Variants in KANK1 observed in about 807,000 individuals in gnomAD.
KANK1 encodes the protein KN motif and ankyrin repeat domain-containing protein 1.
A neutral mutation model predicts 106.2 loss-of-function variants in KANK1; 109 were observed. The observed-to-expected ratio is 1.03, with a 90% CI of 0.88 to 1.20. The LOEUF (loss-of-function observed/expected upper bound fraction) is 1.20. Among genes scored for constraint, KANK1 ranks in the 50% most tolerant of loss-of-function variants. KANK1 has a pLI of 0.00. For synonymous variants in KANK1, 873 were observed against 652.2 expected (o/e 1.34, Z -5.16); for missense variants, 2,399 against 1,710.7 (o/e 1.40, Z -7.10).
upstream of KANK1, among the ~76,000 whole-genome samples, chr9:503,677 CATT>C (rs2058610851): frequency 6.6e-6 from 1 of 152,180 alleles, no homozygotes; most frequent in Non-Finnish European, 1.5e-5. Context: ...GCAGAGCTAA[CATT>C]GTTTTTTGAG....
chr9:535,872 A>G (rs2060274577), intron 1 of KANK1, among the ~76,000 whole-genome samples: 3 of 152,222 alleles, frequency 2.0e-5, no homozygotes, highest in Admixed American at 1.3e-4. Flanking sequence ...TGTTCAAGGC[A>G]ACGTAAACCT....
Position 712,072 on chromosome 9 carries a change from TGTG to T in KANK1, c.1308_1310del (p.Cys436_Gly437delinsTrp). 6.2e-7 allele frequency: 1 copy of T among 1,614,046 alleles called. No homozygotes were observed. Reference sequence around the variant, plus strand: ...AGGGACACTTGTTGAGATGAGAAATTGTGGGGTCAGCGTGACAGAGGCCATGCT... The same window carrying T: ...AGGGACACTTGTTGAGATGAGAAATTGGGTCAGCGTGACAGAGGCCATGCT... On this transcript the variant is annotated inframe_deletion, in exon 3 of 12. Transcript: ENST00000382297.
chr9:643,001 A>T (rs1342010794), intron 1 of KANK1, among the ~76,000 whole-genome samples: 2 of 150,734 alleles, frequency 1.3e-5, no homozygotes, highest in African/African-American at 5.0e-5. Flanking sequence ...CATATTAAAT[A>T]TGGTGGCACC....
chr9:713,472 G>T lies in KANK1; in HGVS notation c.2698+8G>T. 6.4e-7 allele frequency: 1 copy of T among 1,553,832 alleles called. No individual in the cohort carries two copies. The highest frequency in any genetic ancestry group is 8.7e-7 in the Non-Finnish European group (1 of 1,152,880). ...GTCTGGGTAAAATCACAGGTAGGTG[G>T]TACCCTGAGGACCTGGGAATGAGGA... On this transcript the variant is annotated splice_region_variant and intron_variant, in intron 3 of 11. Coordinates refer to ENST00000382297, the MANE Select transcript of KANK1 (RefSeq NM_015158.5).
At chr9:499,586 A>G (rs10974845) in intron 3 of KANK1, among the ~76,000 whole-genome samples, 13,779 of 152,076 alleles carry the variant, frequency 0.091, 2,102 homozygotes, top group African/African-American at 0.31. Flanking sequence ...CAAATCTTTT[A>G]CCTTGTACTT....
chr9:723,084 C>A (rs2131398713), intron 3 of KANK1, among the ~76,000 whole-genome samples: 1 of 152,236 alleles, frequency 6.6e-6, no homozygotes, highest in East Asian at 1.9e-4. Context: ...AATTTCCAGA[C>A]CTGTAGGATG....
At chr9:620,907 G>A (rs1444011561) in intron 1 of KANK1, among the ~76,000 whole-genome samples, 2 of 152,066 alleles carry the variant, frequency 1.3e-5, no homozygotes, top group Non-Finnish European at 2.9e-5. Flanking sequence ...CAATTTTGGG[G>A]TACCAGTTTA....
At chr9:736,243 C>T (rs761640963) in intron 7 of KANK1, among the ~76,000 whole-genome samples, 2 of 152,070 alleles carry the variant, frequency 1.3e-5, no homozygotes, top group Non-Finnish European at 2.9e-5. Flanking sequence ...ACAGGCATGA[C>T]CCACCGCGCC....
intron 3 of KANK1, among the ~76,000 whole-genome samples, chr9:483,414 C>T (rs2058240790): frequency 6.6e-6 from 1 of 152,110 alleles, no homozygotes; most frequent in African/African-American, 2.4e-5. Context: ...GAGGAGCTTC[C>T]CAGATGATCC....
chr9:609,988 TTCCAC>T (rs1348942107), intron 1 of KANK1, among the ~76,000 whole-genome samples: 2 of 152,182 alleles, frequency 1.3e-5, no homozygotes, highest in Non-Finnish European at 2.9e-5. Flanking sequence ...TGTCAGGACT[TTCCAC>T]TCATTTATGA....
intron 1 of KANK1, among the ~76,000 whole-genome samples, chr9:647,882 T>A (rs1003520063): frequency 3.3e-5 from 5 of 150,434 alleles, no homozygotes; most frequent in African/African-American, 1.0e-4. Context: ...TCCATGGAAA[T>A]CAGGTAGAAC....
rs1459206370 is a variant in KANK1, at chr9:644,629, C to T, written c.-83-32261C>T. ...GACTCACTGTCACCAGAACAGCACC[C>T]AGGGGATGGTGCTGGCCCATTCATG... On this transcript the variant is annotated intron_variant, in intron 1 of 11. Transcript: ENST00000382297. Among the ~76,000 whole-genome samples the T allele has an allele frequency of 1.3e-5, 2 of 150,716 alleles. 1 individual carries two copies. Among genetic ancestry groups the T allele is most frequent in the African/African-American group, 5.0e-5 (2 of 40,060 alleles).
rs745379692 is a variant in KANK1 at position 713,067 on chromosome 9, C to T, written c.2301C>T (p.Asn767=). The part of the protein sequence containing the change: ...KESGVGQINI[N]DNYLVGLKMR... ...CAGGTGTGGGGCAGATAAATATTAA[C>T]GACAACTATCTGGTTGGTCTCAAAA... Residue 767 remains asparagine, a synonymous_variant, in exon 3 of 12, where the codon AAC becomes AAT. Coordinates refer to ENST00000382297, the MANE Select transcript of KANK1 (RefSeq NM_015158.5). The T allele has an allele frequency of 1.3e-5, 21 of 1,613,908 alleles. No individual in the cohort carries two copies. Among genetic ancestry groups the T allele is most frequent in the African/African-American group, 8.0e-5 (6 of 74,900 alleles).
intron 1 of KANK1, among the ~76,000 whole-genome samples, chr9:532,854 T>C (rs1047084207): frequency 2.0e-5 from 3 of 152,158 alleles, no homozygotes; most frequent in Admixed American, 6.6e-5. Flanking sequence ...GTTTTTCTTA[T>C]CTCTTGGCAA....
chr9:652,357 C>G (rs992194761), intron 1 of KANK1, among the ~76,000 whole-genome samples: 1 of 152,018 alleles, frequency 6.6e-6, no homozygotes, highest in African/African-American at 2.4e-5. Flanking sequence ...CCCGTATCTA[C>G]TAAAAATACA....
Position 606,911 on chromosome 9 carries a change from AGGCAGGCTAC to A in KANK1, c.-83-69978_-83-69969del, listed in dbSNP as rs1373077752. ...CTCTCAGAAGGTTTAGAATGAGATA[AGGCAGGCTAC>A]TGAGTTGGCTTAAAAACTAAGAGGA... is the stretch of plus-strand genomic sequence containing the variant. On this transcript the variant is annotated intron_variant, in intron 1 of 11. Coordinates refer to ENST00000382297, the MANE Select transcript of KANK1 (RefSeq NM_015158.5). 4.0e-5 allele frequency among the ~76,000 whole-genome samples: 6 copies of A among 151,730 alleles called. 1 individual carries two copies. The highest frequency in any genetic ancestry group is 7.3e-5 in the African/African-American group (3 of 41,030).
rs1380371664 is a variant in KANK1 at position 712,261 on chromosome 9, A to G, written c.1495A>G (p.Lys499Glu). Residue 499 changes from lysine (K) to glutamate (E), a missense_variant, in exon 3 of 12, where the codon AAA (lysine) becomes GAA (glutamate). Physicochemically the swap from Lys to Glu is moderately conservative, Grantham distance 56. Coordinates refer to ENST00000382297, the MANE Select transcript of KANK1 (RefSeq NM_015158.5). ...AGAGCTGCAGGCTGCTGGATCGAGG[A>G]AAAAGGTTGACAAAGCCACGATGGC... ...KQELQAAGSR[K>E]KVDKATMAQP... is the part of the protein sequence containing the mutation. The G allele has an allele frequency of 3.9e-5, 63 of 1,614,016 alleles. No individual in the cohort carries two copies. Among genetic ancestry groups the G allele is most frequent in the Non-Finnish European group, 5.3e-5 (62 of 1,180,012 alleles).
chr9:509,414 C>T (rs751091032), intron 1 of KANK1, among the ~76,000 whole-genome samples: 16 of 152,212 alleles, frequency 1.1e-4, no homozygotes, highest in African/African-American at 3.9e-4. Flanking sequence ...TTTACCCCAT[C>T]CTAGCAGACT....
chr9:555,038 T>G (rs371049811), intron 1 of KANK1, among the ~76,000 whole-genome samples: 4 of 152,192 alleles, frequency 2.6e-5, no homozygotes, highest in African/African-American at 9.7e-5. Flanking sequence ...CCCAGTCAAG[T>G]TGGCACGTGA....
Sources: allele counts gnomAD v4.1 joint callset (sites outside exome capture counted in the v4.1 genomes callset), GRCh38; gene constraint gnomAD v4.1.1; transcripts MANE v1.5; gene names NCBI Gene and HGNC (gene_info 2026-07-23, HGNC 2026-07-21).